Variants in RAP1A observed in about 807,000 individuals in gnomAD.
RAP1A encodes ras-related protein Rap-1A.
Under a neutral mutation model 26.4 loss-of-function variants are expected in RAP1A, and 6 were observed. The observed-to-expected ratio is 0.23, with a 90% CI of 0.12 to 0.45. RAP1A has a LOEUF of 0.45. Among genes scored for constraint, RAP1A ranks in the 20% least tolerant of loss-of-function variants. The pLI is 0.99. For missense variants in RAP1A, 121 were observed against 217.2 expected, an observed-to-expected ratio of 0.56 and a Z score of 2.78; for synonymous variants, 73 against 79.4, an observed-to-expected ratio of 0.92 and a Z score of 0.43.
intron 1 of RAP1A, among the ~76,000 whole-genome samples, chr1:111,599,027 T>C (rs1658616278): frequency 6.6e-6 from 1 of 152,052 alleles, no homozygotes; most frequent in African/African-American, 2.4e-5. Context: ...ATACAGATGA[T>C]GAGGTGTATA....
intron 1 of RAP1A, among the ~76,000 whole-genome samples, chr1:111,684,371 A>G (rs951996934): frequency 6.6e-6 from 1 of 152,250 alleles, no homozygotes; most frequent in African/African-American, 2.4e-5. Flanking sequence ...TCTGCAGATG[A>G]CATAATTATA....
chr1:111,620,841 G>A (rs1349908605), intron 1 of RAP1A, among the ~76,000 whole-genome samples: 1 of 152,140 alleles, frequency 6.6e-6, no homozygotes, highest in East Asian at 1.9e-4. Flanking sequence ...CTTCAGCCGA[G>A]TTGTGTAATT....
Position 111,697,649 on chromosome 1 carries a change from A to G in RAP1A, c.183+152A>G, listed in dbSNP as rs1175228424. ...ACATAGGGATTCTTAAGTATATGAA[A>G]TCAACTCTGATGTAGTTCATGCTCA... On this transcript the variant is annotated intron_variant, in intron 4 of 7. Transcript: ENST00000369709. The G allele has an allele frequency of 2.8e-6, 4 of 1,426,520 alleles. No homozygotes were observed. In the African/African-American group the frequency reaches 4.3e-5, roughly 15 times the overall value. 88.4% of individuals were successfully genotyped at this position (1,426,520 alleles called of 1,614,324 possible). A position where few individuals can be genotyped will look rare whatever the true frequency, so the allele number is the denominator to read the frequency against.
At chr1:111,671,059 T>A (rs1660957530) in intron 1 of RAP1A, among the ~76,000 whole-genome samples, 1 of 152,198 alleles carries the variant, frequency 6.6e-6, no homozygotes, top group Admixed American at 6.5e-5. Context: ...ATGGATAAAT[T>A]TCTTTAAAAC....
chr1:111,695,509 A>G (rs1227514451), intron 3 of RAP1A, 100 bp downstream of exon 3: 7 of 782,558 alleles, frequency 8.9e-6, no homozygotes, highest in African/African-American at 1.9e-5. Flanking sequence ...TTGAGAAATA[A>G]TACAAATATT....
intron 1 of RAP1A, chr1:111,563,734 A>T: frequency 1.3e-6 from 1 of 749,852 alleles, no homozygotes; most frequent in Non-Finnish European, 2.3e-6. Context: ...AGGACAAAGC[A>T]TTGATTAAGT....
chr1:111,575,720 T>C (rs1658134711), intron 1 of RAP1A, among the ~76,000 whole-genome samples: 1 of 152,076 alleles, frequency 6.6e-6, no homozygotes, highest in Non-Finnish European at 1.5e-5. Flanking sequence ...AGAGAGGCCT[T>C]AGGAGACACC....
intron 1 of RAP1A, among the ~76,000 whole-genome samples, chr1:111,548,008 TTTTG>T (rs1244200844): frequency 3.9e-5 from 6 of 152,214 alleles, no homozygotes; most frequent in Non-Finnish European, 8.8e-5. Flanking sequence ...GGACCACTTT[TTTTG>T]TTTGTTTGTT....
chr1:111,548,621 G>A (rs867885637), intron 1 of RAP1A, among the ~76,000 whole-genome samples: 4 of 152,166 alleles, frequency 2.6e-5, no homozygotes, highest in East Asian at 3.8e-4. Flanking sequence ...GCTGTTAATC[G>A]TTGATCCTCT....
At chr1:111,709,298 C>T in intron 7 of RAP1A, 34 bp downstream of exon 7, 3 of 1,537,724 alleles carry the variant, frequency 2.0e-6, no homozygotes, top group East Asian at 2.3e-5. Flanking sequence ...GTGCCTTTCT[C>T]ATGCTCCTAT....
At chr1:111,656,154 C>T (rs1440441784) in intron 1 of RAP1A, among the ~76,000 whole-genome samples, 1 of 151,238 alleles carries the variant, frequency 6.6e-6, no homozygotes, top group South Asian at 2.1e-4. Context: ...AATTACTGTA[C>T]ATTTATTGCA....
chr1:111,613,368 G>T (rs183614346), intron 1 of RAP1A, among the ~76,000 whole-genome samples: 1 of 151,810 alleles, frequency 6.6e-6, no homozygotes, highest in South Asian at 2.1e-4. Context: ...CCCGGCTAAT[G>T]TTTTGTATTT....
At chr1:111,554,269 C>T (rs903338886) in intron 1 of RAP1A, among the ~76,000 whole-genome samples, 1 of 152,138 alleles carries the variant, frequency 6.6e-6, no homozygotes, top group Non-Finnish European at 1.5e-5. Flanking sequence ...ACTGTAAGAA[C>T]CTGTGGAGGT....
At chr1:111,665,517 G>T (rs560486570) in intron 1 of RAP1A, among the ~76,000 whole-genome samples, 1 of 152,186 alleles carries the variant, frequency 6.6e-6, no homozygotes, top group African/African-American at 2.4e-5. Context: ...AATTTTTTCT[G>T]CATGGTTTAC....
chr1:111,674,305 G>A (rs1377563341), intron 1 of RAP1A, among the ~76,000 whole-genome samples: 3 of 145,830 alleles, frequency 2.1e-5, no homozygotes, highest in Admixed American at 6.9e-5. Flanking sequence ...TTTTTTTCAT[G>A]GAATCACCTA....
At chr1:111,622,897 A>G (rs915737561) in intron 1 of RAP1A, among the ~76,000 whole-genome samples, 1 of 152,198 alleles carries the variant, frequency 6.6e-6, no homozygotes, top group African/African-American at 2.4e-5. Flanking sequence ...AGATCTTGCC[A>G]GTGTTTAGTT....
chr1:111,708,165 C>G (rs955082181), intron 6 of RAP1A, among the ~76,000 whole-genome samples: 21 of 152,322 alleles, frequency 1.4e-4, no homozygotes, highest in African/African-American at 5.1e-4. Flanking sequence ...CAGAGCAAGA[C>G]TCTGTCTCAA....
intron 1 of RAP1A, among the ~76,000 whole-genome samples, chr1:111,575,312 C>T (rs1658125414): frequency 6.6e-6 from 1 of 152,142 alleles, no homozygotes; most frequent in Admixed American, 6.5e-5. Context: ...CATCACCACA[C>T]TCAGCTAATT....
intron 1 of RAP1A, among the ~76,000 whole-genome samples, chr1:111,564,843 T>C (rs1390205554): frequency 6.6e-6 from 1 of 152,026 alleles, no homozygotes; most frequent in African/African-American, 2.4e-5. Flanking sequence ...AAAAAAAAGT[T>C]ACTTAGGTGA....
Sources: allele counts gnomAD v4.1 joint callset (sites outside exome capture counted in the v4.1 genomes callset), GRCh38; gene constraint gnomAD v4.1.1; transcripts MANE v1.5; gene names NCBI Gene and HGNC (gene_info 2026-07-23, HGNC 2026-07-21).